PKD1: variants seen among roughly 807,000 people sequenced by gnomAD.
The protein encoded by PKD1 is polycystin-1.
Under a neutral mutation model 361.7 loss-of-function variants are expected in PKD1, and 81 were observed. The observed-to-expected ratio is 0.22, with a 90% confidence interval of 0.19 to 0.27. PKD1 has a LOEUF of 0.27. Among genes scored for constraint, PKD1 ranks in the 10% least tolerant of loss-of-function variants. The pLI, the probability that PKD1 is intolerant of heterozygous loss-of-function variation, is 1.00. For synonymous variants in PKD1, 3,615 were observed against 2,818.3 expected, an observed-to-expected ratio of 1.28 and a Z score of -8.95; for missense variants, 6,399 against 6,118.3, an observed-to-expected ratio of 1.05 and a Z score of -1.53.
intron 16 of PKD1, 52 bp downstream of exon 16, chr16:2,107,831 C>T: frequency 3.3e-6 from 5 of 1,517,534 alleles, no homozygotes; most frequent in Non-Finnish European, 4.4e-6. Flanking sequence ...AGTAGATGAC[C>T]AGGGAGGCTG....
chr16:2,135,843 G>C lies in PKD1; in HGVS notation c.-154C>G, dbSNP rs989685613. ...GCTGAGCGACGCCCGCTCGGGGCTC[G>C]GGGCCAGGCCGCTCCGGGAGCTCGG... On this transcript the variant is annotated 5_prime_UTR_variant, in exon 1 of 46. Coordinates refer to ENST00000262304, the MANE Select transcript of PKD1 (RefSeq NM_001009944.3). The C allele has an allele frequency of 1.5e-5, 4 of 269,656 alleles. No homozygotes were observed. Among genetic ancestry groups the C allele is most frequent in the African/African-American group, 4.6e-5 (2 of 43,532 alleles). 16.7% of individuals were successfully genotyped at this position (269,656 alleles called of 1,614,324 possible).
At position 2,102,816 on chromosome 16, in the gene PKD1, C is replaced by G. The variant is rs761468085; in HGVS notation, c.8946G>C (p.Pro2982=). 6.2e-7 allele frequency: 1 copy of G among 1,610,004 alleles called. No homozygotes were observed. Among genetic ancestry groups the G allele is most frequent in the Non-Finnish European group, 8.5e-7 (1 of 1,179,766 alleles). ...CCAGGCTGGCCCGCAGAGCTCACCCCGGGGAAATGAAGAAGGTGTAGGGCC... is the reference window on the plus strand; with the variant it reads ...CCAGGCTGGCCCGCAGAGCTCACCCGGGGGAAATGAAGAAGGTGTAGGGCC... ...DHRPYTFFIS[P]GSRDPAGSYH... The change falls in exon 24 of 46, where the codon CCG becomes CCC. Residue 2982 remains proline, a splice_region_variant and synonymous_variant. Transcript: ENST00000262304.
chr16:2,092,237 A>G (rs1394264509), intron 39 of PKD1, 49 bp from the exon 40 acceptor site: 6 of 1,538,952 alleles, frequency 3.9e-6, no homozygotes, highest in South Asian at 1.2e-5. Context: ...ATCAAAACCC[A>G]ACAGGAGTGT....
At position 2,116,741 on chromosome 16, in the gene PKD1, C is replaced by A. The variant is rs1251495351; in HGVS notation, c.1606+92G>T. ...AGCCGCCCGAAAACCCCCCCACCAG[C>A]CCCTCCTCCTCAGCCCAGGCTCCAC... On this transcript the variant is annotated intron_variant, in intron 7 of 45. Transcript: ENST00000262304. The A allele has an allele frequency of 1.3e-4, 142 of 1,098,924 alleles. No homozygotes were observed. In the East Asian group the frequency reaches 3.7e-3, roughly 28 times the overall value. 68.1% of individuals were successfully genotyped at this position (1,098,924 alleles called of 1,614,324 possible).
At position 2,090,208 on chromosome 16, in the gene PKD1, A is replaced by C; in HGVS notation, c.12445-14T>G. On this transcript the variant is annotated splice_polypyrimidine_tract_variant and intron_variant, in intron 45 of 45. Transcript: ENST00000262304. ...TTTGTGGCGGAACTGGGGGCGGCAC[A>C]GGGGCTCAGTCAGTCCGGCTGCACC... 1 of 1,607,664 alleles carries C rather than the reference A, an allele frequency of 6.2e-7. No individual in the cohort carries two copies. The highest frequency in any genetic ancestry group is 8.5e-7 in the Non-Finnish European group (1 of 1,177,132).
intron 34 of PKD1, chr16:2,096,768 C>T (rs1024672138): frequency 2.0e-5 from 5 of 247,832 alleles, no homozygotes; most frequent in Non-Finnish European, 2.4e-5. Context: ...CTGCCCACCT[C>T]GGCCTCCCAA....
rs575181044 is a variant in PKD1, at chr16:2,114,405, A to G, written c.2618T>C (p.Val873Ala). The change falls in exon 11 of 46, where the codon GTC becomes GCC. Residue 873 changes from valine (V) to alanine (A), a missense_variant. Coordinates refer to ENST00000262304, the MANE Select transcript of PKD1 (RefSeq NM_001009944.3). ...GGSVSARFEN[V>A]CPALVATFVP... ...GAAGGTGGCCACCAGGGCAGGGCAGACATTCTCAAAGCGGGCGCTGACACT... is the reference window on the plus strand; with the variant it reads ...GAAGGTGGCCACCAGGGCAGGGCAGGCATTCTCAAAGCGGGCGCTGACACT... 7 of 1,605,822 alleles carry G rather than the reference A, an allele frequency of 4.4e-6. No individual in the cohort carries two copies. The highest frequency in any genetic ancestry group is 4.5e-5 in the East Asian group (2 of 44,872).
At position 2,104,492 on chromosome 16, in the gene PKD1, C is replaced by A. The variant is rs750500283; in HGVS notation, c.8161+6G>T. ...GGCGGGTGGCATGGGGCACGGGCCG[C>A]GGCACCTGTGATGTTGAGGATGCTG... On this transcript the variant is annotated splice_donor_region_variant and intron_variant, in intron 22 of 45. Coordinates refer to ENST00000262304, the MANE Select transcript of PKD1 (RefSeq NM_001009944.3). The A allele has an allele frequency of 1.8e-5, 27 of 1,515,338 alleles. No individual in the cohort carries two copies. The highest frequency in any genetic ancestry group is 1.2e-4 in the African/African-American group (8 of 69,452). 93.9% of individuals were successfully genotyped at this position (1,515,338 alleles called of 1,614,324 possible).
chr16:2,112,845 G>C lies in PKD1; in HGVS notation c.3104C>G (p.Ala1035Gly). 6 of 1,604,752 alleles carry C rather than the reference G, an allele frequency of 3.7e-6. No individual in the cohort carries two copies. The South Asian group carries it at 6.6e-5, about 18-fold the overall frequency. The change falls in exon 13 of 46, where the codon GCC becomes GGC. Residue 1035 changes from alanine (A) to glycine (G), a missense_variant. Physicochemically the swap from Ala to Gly is moderately conservative, Grantham distance 60 (BLOSUM62 0). Coordinates refer to ENST00000262304, the MANE Select transcript of PKD1 (RefSeq NM_001009944.3). ...STVPAVLSPN[A>G]TLALTAGVLV... ...CACGCCCGCCGTCAGTGCTAGCGTGGCATTGGGGGACAGCACGGCCGGCAC... is the reference window on the plus strand; with the variant it reads ...CACGCCCGCCGTCAGTGCTAGCGTGCCATTGGGGGACAGCACGGCCGGCAC...
rs2091244087 is a variant in PKD1, at chr16:2,088,722, C to T, written c.*1005G>A. The T allele has an allele frequency of 1.4e-6, 2 of 1,400,186 alleles. No individual in the cohort carries two copies. Among genetic ancestry groups the T allele is most frequent in the South Asian group, 1.3e-5 (1 of 77,360 alleles). 86.7% of individuals were successfully genotyped at this position (1,400,186 alleles called of 1,614,324 possible). A position where few individuals can be genotyped will look rare whatever the true frequency, so the allele number is the denominator to read the frequency against. On this transcript the variant is annotated 3_prime_UTR_variant, in exon 46 of 46. Transcript: ENST00000262304. Reference sequence around the variant, plus strand: ...AGAGGCACAGATTGCAGTCAGACAGCTCTTTTATTGACTTTGTCTGCTTGG... The same window carrying T: ...AGAGGCACAGATTGCAGTCAGACAGTTCTTTTATTGACTTTGTCTGCTTGG...
At chr16:2,124,578 G>C (rs1035675757) in intron 1 of PKD1, among the ~76,000 whole-genome samples, 2 of 152,216 alleles carry the variant, frequency 1.3e-5, no homozygotes, top group Admixed American at 1.3e-4. Flanking sequence ...CACAGCAGAG[G>C]GAATGGCCCC....
chr16:2,104,832 G>A lies in PKD1; in HGVS notation c.8017-190C>T, dbSNP rs1021717892. 1.8e-4 allele frequency among the ~76,000 whole-genome samples: 25 copies of A among 136,460 alleles called. 1 individual carries two copies. Among genetic ancestry groups the A allele is most frequent in the African/African-American group, 6.8e-4 (24 of 35,160 alleles). The allele number at this position is 136,460 out of a possible 152,430, so 89.5% of individuals were successfully genotyped here. A position where few individuals can be genotyped will look rare whatever the true frequency, so the allele number is the denominator to read the frequency against. The stretch of plus-strand genomic sequence containing the variant: ...GCATGACCCAGGGCCTCCACCTGGG[G>A]ACCACGTGATGCAGCCCACCGACCA... On this transcript the variant is annotated intron_variant, in intron 21 of 45. Transcript: ENST00000262304.
At chr16:2,119,954 C>T (rs1418480874) in intron 1 of PKD1, 10 of 623,848 alleles carry the variant, frequency 1.6e-5, no homozygotes, top group South Asian at 7.3e-5. Flanking sequence ...GGGCACACGC[C>T]GGTAACACAG....
chr16:2,103,005 G>C (rs765499737), intron 23 of PKD1, 35 bp from the exon 24 acceptor site: 14 of 1,597,706 alleles, frequency 8.8e-6, no homozygotes, highest in Non-Finnish European at 1.2e-5. Flanking sequence ...CGCCTGCCGG[G>C]AAGCTCAACC....
chr16:2,100,327 G>A lies in PKD1; in HGVS notation c.9569-18C>T, dbSNP rs747848825. 5 of 1,609,970 alleles carry A rather than the reference G, an allele frequency of 3.1e-6. No individual in the cohort carries two copies. In the African/African-American group the frequency reaches 4.0e-5, roughly 13 times the overall value. On this transcript the variant is annotated intron_variant, in intron 27 of 45. Transcript: ENST00000262304. The surrounding 1 kb of genome is among the most constrained non-coding windows in gnomAD (Gnocchi z 4.4). ...GCTGAGCCCTGCAGAGGCGCAGGAG[G>A]GAGGTCAGGCTCGCAGGGCGCCCCA... is the stretch of plus-strand genomic sequence containing the variant.
At position 2,124,544 on chromosome 16, in the gene PKD1, G is replaced by T. The variant is rs539304130; in HGVS notation, c.216-5166C>A. Among the ~76,000 whole-genome samples, 300 of 152,316 alleles carry T rather than the reference G, an allele frequency of 2.0e-3. 1 individual carries two copies. Among genetic ancestry groups the T allele is most frequent in the African/African-American group, 6.8e-3 (284 of 41,574 alleles). On this transcript the variant is annotated intron_variant, in intron 1 of 45. Transcript: ENST00000262304. ...TGAGGAGAACTTCCCTGGGTGTGGG[G>T]CAGCTCCCGGGGCCCTCCCAATCCA...
In PKD1 at chr16:2,090,898, G is replaced by A. The variant is rs771227962; in HGVS notation, c.11989C>T (p.Leu3997=). The A allele has an allele frequency of 1.7e-5, 28 of 1,600,450 alleles. No homozygotes were observed. Among genetic ancestry groups the A allele is most frequent in the Non-Finnish European group, 2.3e-5 (27 of 1,178,788 alleles). The change falls in exon 43 of 46, where the codon CTG becomes TTG. Residue 3997 remains leucine (L), a synonymous_variant. Coordinates refer to ENST00000262304, the MANE Select transcript of PKD1 (RefSeq NM_001009944.3). The part of the protein sequence containing the change: ...ARGLAASLLF[L]LLVKAAQQLR... Reference sequence around the variant, plus strand: ...CCAGCCCTCACCTTGACCAAAAGCAGGAAGAGCAGCGAGGCCGCCAGGCCA... The same window carrying A: ...CCAGCCCTCACCTTGACCAAAAGCAAGAAGAGCAGCGAGGCCGCCAGGCCA...
chr16:2,098,268 G>C, intron 30 of PKD1: 1 of 504,442 alleles, frequency 2.0e-6, no homozygotes, highest in Admixed American at 3.3e-5. Context: ...GAGTGCAATG[G>C]CGCAATCTCA....
rs1241188818 is a variant in PKD1, at chr16:2,110,790, C to G, written c.4377G>C (p.Leu1459=). The change falls in exon 15 of 46, where the codon CTG becomes CTC. Residue 1459 remains leucine, a synonymous_variant. Coordinates refer to ENST00000262304, the MANE Select transcript of PKD1 (RefSeq NM_001009944.3). ...CCAGCACGGGCTCCTGCACCTCCAC[C>G]AGGGCTGAGTCATTGGCAGCAGAGA... ...NNISAANDSA[L]VEVQEPVLVT... 6.2e-7 allele frequency: 1 copy of G among 1,611,182 alleles called. No homozygotes were observed. Among genetic ancestry groups the G allele is most frequent in the Non-Finnish European group, 8.5e-7 (1 of 1,179,828 alleles).
Sources: gnomAD v4.1 joint callset for allele counts (sites outside exome capture counted in the v4.1 genomes callset) on GRCh38, gnomAD v4.1.1 for gene constraint, Gnocchi (gnomAD v3.1) non-coding constraint, MANE v1.5 for transcripts, NCBI Gene and HGNC (gene_info 2026-07-23, HGNC 2026-07-21) for gene names.